Variants in FZD9 observed in about 807,000 individuals in gnomAD.
FZD9 encodes frizzled class receptor 9, also known as frizzled-9.
In FZD9, 29 loss-of-function variants were observed where a neutral mutation model predicts 29.9. That is an observed-to-expected ratio of 0.97 (90% CI 0.72 to 1.32). The LOEUF (loss-of-function observed/expected upper bound fraction) is 1.32. Among genes scored for constraint, FZD9 ranks in the 40% most tolerant of loss-of-function variants. FZD9 has a pLI of 0.00. For missense variants in FZD9, 822 were observed against 857.8 expected, an observed-to-expected ratio of 0.96 and a Z score of 0.52; for synonymous variants, 384 against 393.9, an observed-to-expected ratio of 0.97 and a Z score of 0.30.
chr7:73,434,165 A>G lies in FZD9; in HGVS notation c.158A>G (p.Asn53Ser). ...CCCATGTGCCGCGGCATCGGCTACA[A>G]CCTGACCCGCATGCCCAACCTGCTG... ...EIPMCRGIGY[N>S]LTRMPNLLGH... The change falls in exon 1 of 1, where the codon AAC (asparagine) becomes AGC (serine). Residue 53 changes from asparagine (N) to serine (S), a missense_variant. By Grantham distance (46) the Asn-to-Ser change is conservative. Transcript: ENST00000344575. The G allele has an allele frequency of 1.3e-6, 2 of 1,570,774 alleles. No homozygotes were observed. The highest frequency in any genetic ancestry group is 1.4e-5 in the African/African-American group (1 of 72,034).
At position 73,434,901 on chromosome 7, in the gene FZD9, G is replaced by A. The variant is rs782459639; in HGVS notation, c.894G>A (p.Ala298=). 19 of 1,613,586 alleles carry A rather than the reference G, an allele frequency of 1.2e-5. No individual in the cohort carries two copies. Among genetic ancestry groups the A allele is most frequent in the African/African-American group, 4.0e-5 (3 of 74,934 alleles). Reference sequence around the variant, plus strand: ...AGAGCGTGGCCTGTGACCAGGAGGCGGGCGCGCTCTACGTGATCCAGGAGG... The same window carrying A: ...AGAGCGTGGCCTGTGACCAGGAGGCAGGCGCGCTCTACGTGATCCAGGAGG... ...GAQSVACDQE[A]GALYVIQEGL... Residue 298 remains alanine (A), a synonymous_variant, in exon 1 of 1, where the codon GCG becomes GCA. Coordinates refer to ENST00000344575, the MANE Select transcript of FZD9 (RefSeq NM_003508.3).
chr7:73,435,240 G>T lies in FZD9; in HGVS notation c.1233G>T (p.Val411=). 9 of 1,613,688 alleles carry T rather than the reference G, an allele frequency of 5.6e-6. No homozygotes were observed. Among genetic ancestry groups the T allele is most frequent in the Non-Finnish European group, 7.6e-6 (9 of 1,180,022 alleles). ...FVLVPLSGYL[V]LGSSFLLTGF... is the part of the protein sequence containing the mutation. ...TGGTGCCCCTCTCTGGCTACCTGGT[G>T]CTGGGCAGTAGTTTCCTCCTGACCG... The change falls in exon 1 of 1, where the codon GTG becomes GTT. Residue 411 remains valine, a synonymous_variant. Transcript: ENST00000344575.
In FZD9 at chr7:73,435,210, C is replaced by T. The variant is rs1787390711; in HGVS notation, c.1203C>T (p.Phe401=). The part of the protein sequence containing the change: ...ASTDAAALTG[F]VLVPLSGYLV... ...CGGATGCAGCAGCGCTCACGGGCTTCGTGCTGGTGCCCCTCTCTGGCTACC... is the reference window on the plus strand; with the variant it reads ...CGGATGCAGCAGCGCTCACGGGCTTTGTGCTGGTGCCCCTCTCTGGCTACC... Residue 401 remains phenylalanine (F), a synonymous_variant, in exon 1 of 1, where the codon TTC becomes TTT. Transcript: ENST00000344575. 1.2e-6 allele frequency: 2 copies of T among 1,613,444 alleles called. No individual in the cohort carries two copies. Among genetic ancestry groups the T allele is most frequent in the South Asian group, 1.1e-5 (1 of 91,090 alleles).
At position 73,435,592 on chromosome 7, in the gene FZD9, T is replaced by C; in HGVS notation, c.1585T>C (p.Trp529Arg). ...VVGITSGVWVWSSKTFQTWQS... is the reference protein window; with the variant it reads ...VVGITSGVWVRSSKTFQTWQS... ...GGGGATCACCAGCGGCGTCTGGGTG[T>C]GGAGCTCCAAGACTTTCCAGACCTG... The change falls in exon 1 of 1, where the codon TGG (tryptophan) becomes CGG (arginine). Residue 529 changes from tryptophan to arginine, a missense_variant. By Grantham distance (101) the Trp-to-Arg change is moderately radical. Transcript: ENST00000344575. The C allele has an allele frequency of 6.2e-7, 1 of 1,613,196 alleles. No individual in the cohort carries two copies. The highest frequency in any genetic ancestry group is 1.1e-5 in the South Asian group (1 of 91,082).
In FZD9 at chr7:73,435,302, A is replaced by C; in HGVS notation, c.1295A>C (p.Lys432Thr). 6.2e-7 allele frequency: 1 copy of C among 1,613,842 alleles called. No individual in the cohort carries two copies. The highest frequency in any genetic ancestry group is 8.5e-7 in the Non-Finnish European group (1 of 1,179,928). Residue 432 changes from lysine (K) to threonine (T), a missense_variant, in exon 1 of 1, where the codon AAG (lysine) becomes ACG (threonine). Coordinates refer to ENST00000344575, the MANE Select transcript of FZD9 (RefSeq NM_003508.3). The part of the protein sequence containing the change: ...VALFHIRKIM[K>T]TGGTNTEKLE... Reference sequence around the variant, plus strand: ...CTCTTCCACATCCGCAAGATCATGAAGACGGGCGGCACCAACACAGAGAAG... The same window carrying C: ...CTCTTCCACATCCGCAAGATCATGACGACGGGCGGCACCAACACAGAGAAG...
In FZD9 at chr7:73,435,327, G is replaced by T. The variant is rs537364650; in HGVS notation, c.1320G>T (p.Lys440Asn). Reference protein sequence around the residue: ...IMKTGGTNTEKLEKLMVKIGV... With the variant: ...IMKTGGTNTENLEKLMVKIGV... Reference sequence around the variant, plus strand: ...AGACGGGCGGCACCAACACAGAGAAGCTGGAGAAGCTCATGGTCAAGATCG... The same window carrying T: ...AGACGGGCGGCACCAACACAGAGAATCTGGAGAAGCTCATGGTCAAGATCG... The change falls in exon 1 of 1, where the codon AAG (lysine) becomes AAT (asparagine). Residue 440 changes from lysine to asparagine, a missense_variant. Physicochemically the swap from Lys to Asn is moderately conservative, Grantham distance 94 (BLOSUM62 0). Transcript: ENST00000344575. 5 of 1,613,810 alleles carry T rather than the reference G, an allele frequency of 3.1e-6. No individual in the cohort carries two copies. The highest frequency in any genetic ancestry group is 4.2e-6 in the Non-Finnish European group (5 of 1,179,886).
At position 73,435,770 on chromosome 7, in the gene FZD9, C is replaced by T. The variant is rs1485869886; in HGVS notation, c.1763C>T (p.Pro588Leu). Residue 588 changes from proline to leucine, a missense_variant, in exon 1 of 1, where the codon CCC (proline) becomes CTC (leucine). Pro to Leu is a moderately conservative substitution (Grantham distance 98). Coordinates refer to ENST00000344575, the MANE Select transcript of FZD9 (RefSeq NM_003508.3). ...AAGACGGACCCCTCTTTGGAGAACC[C>T]CACACACCTCTAGCCACACAGGCCT... ...MTKTDPSLENPTHL is the reference protein window; with the variant it reads ...MTKTDPSLENLTHL 3 of 1,589,668 alleles carry T rather than the reference C, an allele frequency of 1.9e-6. No individual in the cohort carries two copies. The highest frequency in any genetic ancestry group is 1.7e-6 in the Non-Finnish European group (2 of 1,164,830).
rs1554563201 is a variant in FZD9 at position 73,434,201 on chromosome 7, C to T, written c.194C>T (p.Ser65Leu). 3 of 1,575,822 alleles carry T rather than the reference C, an allele frequency of 1.9e-6. No homozygotes were observed. Among genetic ancestry groups the T allele is most frequent in the Admixed American group, 3.5e-5 (2 of 56,578 alleles). Residue 65 changes from serine to leucine, a missense_variant, in exon 1 of 1, where the codon TCG becomes TTG. By Grantham distance (145) the Ser-to-Leu change is moderately radical. Coordinates refer to ENST00000344575, the MANE Select transcript of FZD9 (RefSeq NM_003508.3). Reference sequence around the variant, plus strand: ...ATGCCCAACCTGCTGGGCCACACGTCGCAGGGCGAGGCGGCTGCCGAGCTA... The same window carrying T: ...ATGCCCAACCTGCTGGGCCACACGTTGCAGGGCGAGGCGGCTGCCGAGCTA... ...TRMPNLLGHT[S>L]QGEAAAELAE...
rs1247706975 is a variant in FZD9, at chr7:73,434,499, G to C, written c.492G>C (p.Ala164=). Residue 164 remains alanine (A), a synonymous_variant, in exon 1 of 1, where the codon GCG becomes GCC. Coordinates refer to ENST00000344575, the MANE Select transcript of FZD9 (RefSeq NM_003508.3). Reference sequence around the variant, plus strand: ...CCGAGAACGCCACGGCCGGCCCCGCGGAGCCCCACAAGGGCCTGGGCATGC... The same window carrying C: ...CCGAGAACGCCACGGCCGGCCCCGCCGAGCCCCACAAGGGCCTGGGCATGC... ...EAPENATAGP[A]EPHKGLGMLP... 1.2e-5 allele frequency: 18 copies of C among 1,472,070 alleles called. No homozygotes were observed. The highest frequency in any genetic ancestry group is 1.5e-5 in the Non-Finnish European group (17 of 1,118,632). 91.2% of individuals were successfully genotyped at this position (1,472,070 alleles called of 1,614,324 possible). A position where few individuals can be genotyped will look rare whatever the true frequency, so the allele number is the denominator to read the frequency against.
Position 73,434,837 on chromosome 7 carries a change from A to G in FZD9, c.830A>G (p.Tyr277Cys), listed in dbSNP as rs1554563456. 2 of 1,613,026 alleles carry G rather than the reference A, an allele frequency of 1.2e-6. No individual in the cohort carries two copies. The highest frequency in any genetic ancestry group is 1.3e-5 in the African/African-American group (1 of 74,836). The change falls in exon 1 of 1, where the codon TAC becomes TGC. Residue 277 changes from tyrosine (Y) to cysteine (C), a missense_variant. By Grantham distance (194) the Tyr-to-Cys change is radical. Transcript: ENST00000344575. Reference sequence around the variant, plus strand: ...TTCCTCTCCATGTGCTACAACGTCTACTCGCTGGCCTTCCTGATCCGTGCG... The same window carrying G: ...TTCCTCTCCATGTGCTACAACGTCTGCTCGCTGGCCTTCCTGATCCGTGCG... ...IIFLSMCYNV[Y>C]SLAFLIRAVA...
chr7:73,435,293 A>G lies in FZD9; in HGVS notation c.1286A>G (p.Lys429Arg), dbSNP rs1787393475. The stretch of plus-strand genomic sequence containing the variant: ...TTCGTGGCCCTCTTCCACATCCGCA[A>G]GATCATGAAGACGGGCGGCACCAAC... ...TGFVALFHIR[K>R]IMKTGGTNTE... Residue 429 changes from lysine (K) to arginine (R), a missense_variant, in exon 1 of 1, where the codon AAG (lysine) becomes AGG (arginine). Lys to Arg is a conservative substitution (Grantham distance 26). Coordinates refer to ENST00000344575, the MANE Select transcript of FZD9 (RefSeq NM_003508.3). 6.2e-7 allele frequency: 1 copy of G among 1,613,876 alleles called. No homozygotes were observed. The highest frequency in any genetic ancestry group is 2.2e-5 in the East Asian group (1 of 44,886).
rs373485212 is a variant in FZD9 at position 73,435,137 on chromosome 7, G to A, written c.1130G>A (p.Arg377His). 6.2e-6 allele frequency: 10 copies of A among 1,612,024 alleles called. No homozygotes were observed. The highest frequency in any genetic ancestry group is 5.5e-5 in the South Asian group (5 of 91,062). The part of the protein sequence containing the change: ...ALKTIVILTL[R>H]KVAGDELTGL... Reference sequence around the variant, plus strand: ...AAGACCATCGTCATCCTGACCCTGCGCAAGGTGGCGGGTGATGAGCTGACT... The same window carrying A: ...AAGACCATCGTCATCCTGACCCTGCACAAGGTGGCGGGTGATGAGCTGACT... Residue 377 changes from arginine to histidine, a missense_variant, in exon 1 of 1, where the codon CGC (arginine) becomes CAC (histidine). Coordinates refer to ENST00000344575, the MANE Select transcript of FZD9 (RefSeq NM_003508.3).
chr7:73,435,803 G>A lies in FZD9; in HGVS notation c.*20G>A. The A allele has an allele frequency of 6.5e-7, 1 of 1,549,554 alleles. No homozygotes were observed. The highest frequency in any genetic ancestry group is 1.4e-5 in the African/African-American group (1 of 73,434). On this transcript the variant is annotated 3_prime_UTR_variant, in exon 1 of 1. Coordinates refer to ENST00000344575, the MANE Select transcript of FZD9 (RefSeq NM_003508.3). ...CTCTAGCCACACAGGCCTGGCGCGGGGTGGCTGCTGCCCCCTCCTTGCCCT... is the reference window on the plus strand; with the variant it reads ...CTCTAGCCACACAGGCCTGGCGCGGAGTGGCTGCTGCCCCCTCCTTGCCCT...
chr7:73,434,973 C>T lies in FZD9; in HGVS notation c.966C>T (p.Tyr322=). Residue 322 remains tyrosine, a synonymous_variant, in exon 1 of 1, where the codon TAC becomes TAT. Transcript: ENST00000344575. ...CGCTGGTCTTCCTACTGCTCTACTA[C>T]TTCGGCATGGCCAGCTCGCTCTGGT... ...GCTLVFLLLY[Y]FGMASSLWWV... 1.2e-6 allele frequency: 2 copies of T among 1,614,138 alleles called. No homozygotes were observed. Among genetic ancestry groups the T allele is most frequent in the South Asian group, 1.1e-5 (1 of 91,092 alleles).
Position 73,435,825 on chromosome 7 carries a change from C to G in FZD9, c.*42C>G, listed in dbSNP as rs782146330. 1 of 1,530,250 alleles carries G rather than the reference C, an allele frequency of 6.5e-7. No homozygotes were observed. Among genetic ancestry groups the G allele is most frequent in the African/African-American group, 1.4e-5 (1 of 72,500 alleles). 94.8% of individuals were successfully genotyped at this position (1,530,250 alleles called of 1,614,324 possible). A position where few individuals can be genotyped will look rare whatever the true frequency, so the allele number is the denominator to read the frequency against. On this transcript the variant is annotated 3_prime_UTR_variant, in exon 1 of 1. Transcript: ENST00000344575. ...CGGGGTGGCTGCTGCCCCCTCCTTG[C>G]CCTCCACGCCCTGCCCCCTGCATCC...
Position 73,434,586 on chromosome 7 carries a change from T to A in FZD9, c.579T>A (p.Ser193Arg). 2.6e-6 allele frequency: 4 copies of A among 1,513,578 alleles called. No homozygotes were observed. Among genetic ancestry groups the A allele is most frequent in the Middle Eastern group, 1.7e-4 (1 of 5,784 alleles). 93.8% of individuals were successfully genotyped at this position (1,513,578 alleles called of 1,614,324 possible). The change falls in exon 1 of 1, where the codon AGT (serine) becomes AGA (arginine). Residue 193 changes from serine (S) to arginine (R), a missense_variant. By Grantham distance (110) the Ser-to-Arg change is moderately radical. Coordinates refer to ENST00000344575, the MANE Select transcript of FZD9 (RefSeq NM_003508.3). ...ACCTGGGCCCGGGCGCGGGCGGCAG[T>A]GGCACCTGCGAGAACCCCGAGAAGT... ...PGDLGPGAGG[S>R]GTCENPEKFQ...
chr7:73,434,256 C>A lies in FZD9; in HGVS notation c.249C>A (p.Gly83=). 1 of 1,588,304 alleles carries A rather than the reference C, an allele frequency of 6.3e-7. No individual in the cohort carries two copies. Residue 83 remains glycine (G), a synonymous_variant, in exon 1 of 1, where the codon GGC becomes GGA. Transcript: ENST00000344575. ...AGTTCGCGCCGCTGGTGCAGTACGG[C>A]TGCCACAGCCACCTGCGCTTCTTCC... ...LAEFAPLVQY[G]CHSHLRFFLC...
chr7:73,435,233 A>G lies in FZD9; in HGVS notation c.1226A>G (p.Tyr409Cys). Residue 409 changes from tyrosine (Y) to cysteine (C), a missense_variant, in exon 1 of 1, where the codon TAC becomes TGC. Coordinates refer to ENST00000344575, the MANE Select transcript of FZD9 (RefSeq NM_003508.3). ...TGFVLVPLSG[Y>C]LVLGSSFLLT... The stretch of plus-strand genomic sequence containing the variant: ...TTCGTGCTGGTGCCCCTCTCTGGCT[A>G]CCTGGTGCTGGGCAGTAGTTTCCTC... The G allele has an allele frequency of 6.2e-7, 1 of 1,613,622 alleles. No individual in the cohort carries two copies. The highest frequency in any genetic ancestry group is 8.5e-7 in the Non-Finnish European group (1 of 1,180,012).
chr7:73,435,010 A>ACGCTC lies in FZD9; in HGVS notation c.1004_1008dup (p.Thr337ArgfsTer40). On this transcript the variant is annotated frameshift_variant, in exon 1 of 1. Coordinates refer to ENST00000344575, the MANE Select transcript of FZD9 (RefSeq NM_003508.3). LOFTEE classifies it high-confidence loss of function. ...CAGCTCGCTCTGGTGGGTGGTCCTG[A>ACGCTC]CGCTCACCTGGTTCCTGGCTGCCGG... is the stretch of plus-strand genomic sequence containing the variant. 6.2e-7 allele frequency: 1 copy of ACGCTC among 1,613,974 alleles called. No homozygotes were observed. The highest frequency in any genetic ancestry group is 8.5e-7 in the Non-Finnish European group (1 of 1,180,020).
Sources: gnomAD v4.1 joint callset for allele counts on GRCh38, gnomAD v4.1.1 for gene constraint, MANE v1.5 for transcripts, NCBI Gene and HGNC (gene_info 2026-07-23, HGNC 2026-07-21) for gene names.